Variants in UBA5 observed in about 807,000 individuals in gnomAD.
UBA5 encodes ubiquitin like modifier activating enzyme 5, also known as ubiquitin-like modifier-activating enzyme 5.
Under a neutral mutation model 52.9 loss-of-function variants are expected in UBA5, and 28 were observed. That is an observed-to-expected ratio of 0.53 (90% CI 0.39 to 0.73). UBA5 has a LOEUF of 0.73. UBA5 is among the 30% of genes least tolerant of loss of function. The pLI is 0.00. For missense variants in UBA5, 388 were observed against 492.7 expected, an observed-to-expected ratio of 0.79 and a Z score of 2.01; for synonymous variants, 135 against 162.1, an observed-to-expected ratio of 0.83 and a Z score of 1.27.
chr3:132,669,070 G>T, intron 4 of UBA5, 143 bp downstream of exon 4: 1 of 564,884 alleles, frequency 1.8e-6, no homozygotes, highest in Non-Finnish European at 2.9e-6. Flanking sequence ...TGTTGGACAT[G>T]GGTTGGCAAA....
chr3:132,658,632 C>T (rs1409007383), upstream of UBA5, among the ~76,000 whole-genome samples: 1 of 152,180 alleles, frequency 6.6e-6, no homozygotes, highest in Non-Finnish European at 1.5e-5. Flanking sequence ...ATTCTTTATT[C>T]CACCTTTCCC....
intron 8 of UBA5, 109 bp downstream of exon 8, chr3:132,672,286 GTTACT>G (rs1311696008): frequency 7.7e-7 from 1 of 1,296,230 alleles, no homozygotes; most frequent in African/African-American, 1.5e-5. Context: ...ATATAATTTA[GTTACT>G]TTAAACTTAA....
intron 6 of UBA5, 87 bp downstream of exon 6, chr3:132,671,136 C>A: frequency 1.7e-6 from 2 of 1,155,654 alleles, no homozygotes; most frequent in Non-Finnish European, 2.5e-6. Flanking sequence ...ATCCTAAAAA[C>A]AGTTCTGAAT....
rs1938907375 is a variant in UBA5, at chr3:132,678,033, C to T, written c.*1507C>T. 1 of 151,960 alleles carries T rather than the reference C, an allele frequency of 6.6e-6. No homozygotes were observed. The highest frequency in any genetic ancestry group is 1.5e-5 in the Non-Finnish European group (1 of 67,968). 9.4% of individuals were successfully genotyped at this position (151,960 alleles called of 1,614,324 possible). A position where few individuals can be genotyped will look rare whatever the true frequency, so the allele number is the denominator to read the frequency against. On this transcript the variant is annotated 3_prime_UTR_variant, in exon 12 of 12. Coordinates refer to ENST00000356232, the MANE Select transcript of UBA5 (RefSeq NM_024818.6). ...ATGCAGTTTTTCAAAAATAAATTTC[C>T]TTTGGAAATTCTTGCATATCAATTT...
rs558678935 is a variant in UBA5, at chr3:132,660,496, C to T, written c.-42C>T. ...GAGCAACGTGGGGCGAAGGCGGCGG[C>T]GAAGGCCCGGGCTGGGAGCGTTGGC... On this transcript the variant is annotated 5_prime_UTR_variant, in exon 1 of 12. Transcript: ENST00000356232. This position sits in a 1 kb window ranked among gnomAD's most constrained non-coding sequence, Gnocchi z 4.1. The T allele has an allele frequency of 3.2e-6, 5 of 1,543,176 alleles. No individual in the cohort carries two copies. The East Asian group carries it at 7.3e-5, about 23-fold the overall frequency.
upstream of UBA5, among the ~76,000 whole-genome samples, chr3:132,657,429 TAC>T (rs2107913465): frequency 6.6e-6 from 1 of 152,338 alleles, no homozygotes; most frequent in Non-Finnish European, 1.5e-5. Context: ...CCTTCGCTCT[TAC>T]ACATAAAATT....
chr3:132,658,019 G>A (rs1351628937), upstream of UBA5, among the ~76,000 whole-genome samples: 5 of 151,736 alleles, frequency 3.3e-5, no homozygotes, highest in African/African-American at 4.8e-5. Context: ...GTGCCACCAC[G>A]CCCGGCTAAT....
intron 1 of UBA5, 173 bp from the exon 2 acceptor site, chr3:132,665,650 G>A (rs1938346719): frequency 3.3e-6 from 2 of 606,632 alleles, no homozygotes; most frequent in East Asian, 2.8e-5. Flanking sequence ...TTTAAACGGT[G>A]CCTGGGTAAT....
Position 132,671,068 on chromosome 3 carries a change from C to G in UBA5, c.579+19C>G. 1.3e-6 allele frequency: 2 copies of G among 1,584,610 alleles called. No individual in the cohort carries two copies. The highest frequency in any genetic ancestry group is 2.2e-5 in the South Asian group (2 of 90,210). ...AAATACAGTGAGTATTCCTGCTGTG[C>G]AAGATATATTCATGGATTTATCTGT... On this transcript the variant is annotated intron_variant, in intron 6 of 11. Transcript: ENST00000356232.
chr3:132,659,732 C>T (rs1462526996), upstream of UBA5: 3 of 1,605,222 alleles, frequency 1.9e-6, no homozygotes, highest in South Asian at 1.1e-5. Flanking sequence ...ATCGGACTCG[C>T]CAGTAGCACC....
upstream of UBA5, chr3:132,660,293 G>T: frequency 3.4e-6 from 2 of 590,328 alleles, no homozygotes; most frequent in Non-Finnish European, 6.0e-6. The surrounding 1 kb of genome is among the most constrained non-coding windows in gnomAD (Gnocchi z 4.1). Context: ...AGCCGAAAGA[G>T]CCAGGTTTTT....
intron 1 of UBA5, among the ~76,000 whole-genome samples, chr3:132,663,685 T>C (rs915641490): frequency 6.6e-6 from 1 of 152,184 alleles, no homozygotes; most frequent in Admixed American, 6.5e-5. Context: ...GTCAAACAGT[T>C]ATTGCCTATA....
Position 132,677,005 on chromosome 3 carries a change from C to A in UBA5, c.*479C>A. The A allele has an allele frequency of 2.7e-6, 1 of 368,488 alleles. No individual in the cohort carries two copies. 22.8% of individuals were successfully genotyped at this position (368,488 alleles called of 1,614,324 possible). A position where few individuals can be genotyped will look rare whatever the true frequency, so the allele number is the denominator to read the frequency against. Reference sequence around the variant, plus strand: ...GGAATTGCTTTCTATAAGAAAATTGCCCACTACTACTAACTTGATCAACAA... The same window carrying A: ...GGAATTGCTTTCTATAAGAAAATTGACCACTACTACTAACTTGATCAACAA... On this transcript the variant is annotated 3_prime_UTR_variant, in exon 12 of 12. Transcript: ENST00000356232.
At chr3:132,658,083 G>A (rs1481140803), upstream of UBA5, among the ~76,000 whole-genome samples, 1 of 151,996 alleles carries the variant, frequency 6.6e-6, no homozygotes, top group African/African-American at 2.4e-5. Flanking sequence ...GGCTGGTCTT[G>A]AACTCCTGAC....
At chr3:132,662,545 G>T (rs1481899301) in intron 1 of UBA5, among the ~76,000 whole-genome samples, 2 of 152,164 alleles carry the variant, frequency 1.3e-5, no homozygotes, top group Non-Finnish European at 2.9e-5. Context: ...TTATGATAAA[G>T]TACAAAAGGT....
intron 6 of UBA5, 140 bp from the exon 7 acceptor site, chr3:132,671,637 A>G: frequency 1.6e-6 from 1 of 623,432 alleles, no homozygotes. Flanking sequence ...AAGGAATTCC[A>G]TTATCTTACA....
In UBA5 at chr3:132,677,900, T is replaced by TTA. The variant is rs1407647758; in HGVS notation, c.*1376_*1377dup. On this transcript the variant is annotated 3_prime_UTR_variant, in exon 12 of 12. Transcript: ENST00000356232. ...AGGATAGTTTTTTTAGCCTGGAAAC[T>TTA]TATTTATGTTGCCTTGGTGAGTCTT... 2 of 152,200 alleles carry TTA rather than the reference T, an allele frequency of 1.3e-5. No homozygotes were observed. The highest frequency in any genetic ancestry group is 2.9e-5 in the Non-Finnish European group (2 of 68,004). The allele number at this position is 152,200 out of a possible 1,614,324, so 9.4% of individuals were successfully genotyped here. A position where few individuals can be genotyped will look rare whatever the true frequency, so the allele number is the denominator to read the frequency against.
Position 132,676,064 on chromosome 3 carries a change from G to A in UBA5, c.1131+141G>A. The A allele has an allele frequency of 4.7e-6, 3 of 636,932 alleles. No homozygotes were observed. In the East Asian group the frequency reaches 8.4e-5, roughly 18 times the overall value. The allele number at this position is 636,932 out of a possible 1,614,324, so 39.5% of individuals were successfully genotyped here. A position where few individuals can be genotyped will look rare whatever the true frequency, so the allele number is the denominator to read the frequency against. ...GCATTAAGATGTGAGAGAGAGGTAT[G>A]CAGTGTTAATATGCAAATATTTATA... is the stretch of plus-strand genomic sequence containing the variant. On this transcript the variant is annotated intron_variant, in intron 11 of 11. Coordinates refer to ENST00000356232, the MANE Select transcript of UBA5 (RefSeq NM_024818.6). The surrounding 1 kb of genome is among the most constrained non-coding windows in gnomAD (Gnocchi z 4.1).
upstream of UBA5, among the ~76,000 whole-genome samples, chr3:132,657,178 T>C (rs541584868): frequency 6.6e-4 from 100 of 152,364 alleles, 1 homozygote; most frequent in South Asian, 0.019. Flanking sequence ...AAGAGTCTAA[T>C]TTCTATTTCT....
Sources: gnomAD v4.1 joint callset for allele counts (sites outside exome capture counted in the v4.1 genomes callset) on GRCh38, gnomAD v4.1.1 for gene constraint, Gnocchi (gnomAD v3.1) non-coding constraint, MANE v1.5 for transcripts, NCBI Gene and HGNC (gene_info 2026-07-23, HGNC 2026-07-21) for gene names.